The following PCDHGA11 variants were observed in gnomAD, a reference collection of about 807,000 sequenced individuals.
PCDHGA11 encodes protocadherin gamma subfamily A, 11.
A neutral mutation model predicts 60.4 loss-of-function variants in PCDHGA11; 39 were observed. That is an observed-to-expected ratio of 0.65 (90% CI 0.50 to 0.84). The LOEUF (loss-of-function observed/expected upper bound fraction) is 0.84, where lower values mean the gene tolerates loss of function less well. Among genes scored for constraint, PCDHGA11 ranks in the 40% least tolerant of loss-of-function variants. PCDHGA11 has a pLI of 0.00. For missense variants in PCDHGA11, 1,165 were observed against 1,197.7 expected (o/e 0.97, Z 0.40); for synonymous variants, 533 against 510.3 (o/e 1.04, Z -0.60).
At position 141,490,597 on chromosome 5, in the gene PCDHGA11, C is replaced by G. The variant is rs781077720; in HGVS notation, c.2434-4210C>G. 1 of 1,614,182 alleles carries G rather than the reference C, an allele frequency of 6.2e-7. No homozygotes were observed. On this transcript the variant is annotated intron_variant, in intron 1 of 3. Transcript: ENST00000398587. This position sits in a 1 kb window ranked among gnomAD's most constrained non-coding sequence, Gnocchi z 5.4. ...TTCAGATGTCAATGACAATGCACCC[C>G]GCTTCAACCAGCAGCTTTACACTGC...
At chr5:141,481,739 G>A (rs1034725934) in intron 1 of PCDHGA11, among the ~76,000 whole-genome samples, 1 of 152,082 alleles carries the variant, frequency 6.6e-6, no homozygotes, top group Non-Finnish European at 1.5e-5. Flanking sequence ...GGATCACGAG[G>A]TCAGGAGTCC....
chr5:141,447,301 G>A (rs557269538), intron 1 of PCDHGA11, among the ~76,000 whole-genome samples: 39 of 152,060 alleles, frequency 2.6e-4, no homozygotes, highest in Non-Finnish European at 1.5e-4. Flanking sequence ...CACCACACCC[G>A]GCTAATTTTT....
intron 1 of PCDHGA11, among the ~76,000 whole-genome samples, chr5:141,444,885 T>C (rs547403761): frequency 6.6e-6 from 1 of 152,320 alleles, no homozygotes; most frequent in African/African-American, 2.4e-5. Flanking sequence ...TGTAGGATTT[T>C]TGAATGGGAT....
chr5:141,476,798 C>T lies in PCDHGA11; in HGVS notation c.2434-18009C>T. 3.1e-6 allele frequency: 5 copies of T among 1,613,660 alleles called. No homozygotes were observed. The highest frequency in any genetic ancestry group is 4.2e-6 in the Non-Finnish European group (5 of 1,180,028). ...AGGGACCCCAGCTCTCTCCGCCAGC[C>T]TGCCTATTCACATCAAGGTGCTGGA... On this transcript the variant is annotated intron_variant, in intron 1 of 3. Coordinates refer to ENST00000398587, the MANE Select transcript of PCDHGA11 (RefSeq NM_018914.3). This position sits in a 1 kb window ranked among gnomAD's most constrained non-coding sequence, Gnocchi z 7.6.
chr5:141,427,717 A>G (rs1038823851), intron 1 of PCDHGA11: 20 of 1,076,234 alleles, frequency 1.9e-5, no homozygotes, highest in African/African-American at 1.1e-4. Context: ...TCTGACCTGG[A>G]CCTAGGGCTG....
intron 3 of PCDHGA11, among the ~76,000 whole-genome samples, chr5:141,510,089 C>G (rs2099879446): frequency 6.6e-6 from 1 of 152,136 alleles, no homozygotes; most frequent in African/African-American, 2.4e-5. Flanking sequence ...GCCTGGCACA[C>G]AGTAGGTGCT....
Position 141,477,413 on chromosome 5 carries a change from G to A in PCDHGA11, c.2434-17394G>A. ...CCTCAGCATCACCGCCCGAGACGCC[G>A]GAACCCCTTCCCTCTCAGCCCTTAC... On this transcript the variant is annotated intron_variant, in intron 1 of 3. Transcript: ENST00000398587. This position sits in a 1 kb window ranked among gnomAD's most constrained non-coding sequence, Gnocchi z 4.9. 1 of 1,614,080 alleles carries A rather than the reference G, an allele frequency of 6.2e-7. No individual in the cohort carries two copies. Among genetic ancestry groups the A allele is most frequent in the Non-Finnish European group, 8.5e-7 (1 of 1,180,026 alleles).
At position 141,485,680 on chromosome 5, in the gene PCDHGA11, C is replaced by A. The variant is rs1450674419; in HGVS notation, c.2434-9127C>A. The A allele has an allele frequency of 6.2e-7, 1 of 1,613,966 alleles. No individual in the cohort carries two copies. On this transcript the variant is annotated intron_variant, in intron 1 of 3. Transcript: ENST00000398587. The surrounding 1 kb of genome is among the most constrained non-coding windows in gnomAD (Gnocchi z 5.7). ...ATGTGGGGAGCAATTCGATTAGCAGCTATAGGCTGAGCTCCAATGAACACT... is the reference window on the plus strand; with the variant it reads ...ATGTGGGGAGCAATTCGATTAGCAGATATAGGCTGAGCTCCAATGAACACT...
chr5:141,479,631 A>G (rs191955216), intron 1 of PCDHGA11: 1 of 152,282 alleles, frequency 6.6e-6, no homozygotes, highest in Non-Finnish European at 1.5e-5. Context: ...TCTCTTTAAC[A>G]ATAACAACAA....
At chr5:141,503,598 C>CAAA (rs765754054) in intron 2 of PCDHGA11, among the ~76,000 whole-genome samples, 1 of 65,748 alleles carries the variant, frequency 1.5e-5, no homozygotes. Context: ...GACTCCAGCT[C>CAAA]AAAAAAAAAA....
chr5:141,425,490 G>T (rs2096878933), intron 1 of PCDHGA11, among the ~76,000 whole-genome samples: 1 of 152,122 alleles, frequency 6.6e-6, no homozygotes, highest in Non-Finnish European at 1.5e-5. Context: ...AACCTACTAG[G>T]CTATACCTTT....
chr5:141,463,135 C>G (rs1352400365), intron 1 of PCDHGA11, among the ~76,000 whole-genome samples: 1 of 152,128 alleles, frequency 6.6e-6, no homozygotes, highest in African/African-American at 2.4e-5. Flanking sequence ...GGCAGTTCTT[C>G]GCCCAGCTGC....
At position 141,434,489 on chromosome 5, in the gene PCDHGA11, C is replaced by G. The variant is rs921000136; in HGVS notation, c.2433+10829C>G. On this transcript the variant is annotated intron_variant, in intron 1 of 3. Coordinates refer to ENST00000398587, the MANE Select transcript of PCDHGA11 (RefSeq NM_018914.3). ...GAATGAGGGCAAGGAACACCTGGCC[C>G]GCCCAGGGCAGAAAACTGCTTAAAG... Among the ~76,000 whole-genome samples, 8 of 152,158 alleles carry G rather than the reference C, an allele frequency of 5.3e-5. 1 individual carries two copies. The highest frequency in any genetic ancestry group is 2.6e-4 in the Admixed American group (4 of 15,284).
At chr5:141,425,381 A>C (rs1374877185) in intron 1 of PCDHGA11, among the ~76,000 whole-genome samples, 3 of 152,194 alleles carry the variant, frequency 2.0e-5, no homozygotes, top group African/African-American at 7.2e-5. Flanking sequence ...GTTGATTCGG[A>C]GGTAGTGATA....
At position 141,423,482 on chromosome 5, in the gene PCDHGA11, A is replaced by T. The variant is rs553914622; in HGVS notation, c.2255A>T (p.Gln752Leu). The change falls in exon 1 of 4, where the codon CAA becomes CTA. Residue 752 changes from glutamine to leucine, a missense_variant. By Grantham distance (113) the Gln-to-Leu change is moderately radical. Transcript: ENST00000398587. ...GTGGACGGGGTACAGGCTTTCCTGC[A>T]AACCTATTCCCACGAGGTCTCTCTC... is the stretch of plus-strand genomic sequence containing the variant. ...VGVDGVQAFL[Q>L]TYSHEVSLIA... 1.1e-5 allele frequency: 17 copies of T among 1,613,968 alleles called. No homozygotes were observed. The African/African-American group carries it at 2.3e-4, about 22-fold the overall frequency.
At chr5:141,423,701 G>A in intron 1 of PCDHGA11, 41 bp downstream of exon 1, 1 of 1,312,668 alleles carries the variant, frequency 7.6e-7, no homozygotes, top group Non-Finnish European at 9.9e-7. Flanking sequence ...TGGTGTCTTG[G>A]CACAAGTCTT....
intron 1 of PCDHGA11, chr5:141,478,583 C>G: frequency 6.3e-7 from 1 of 1,578,146 alleles, no homozygotes; most frequent in Non-Finnish European, 8.6e-7. Context: ...CCTGTTAGTG[C>G]TTTTTTATTC....
chr5:141,511,265 A>C lies in PCDHGA11; in HGVS notation c.*92A>C. The C allele has an allele frequency of 6.4e-7, 1 of 1,551,730 alleles. No individual in the cohort carries two copies. Among genetic ancestry groups the C allele is most frequent in the Non-Finnish European group, 8.7e-7 (1 of 1,148,178 alleles). ...ACCCAGGCCTCAGAGTTTCAGGGCT[A>C]ACCCCCAGAATACTGGTAGGGGCCA... On this transcript the variant is annotated 3_prime_UTR_variant, in exon 4 of 4. Coordinates refer to ENST00000398587, the MANE Select transcript of PCDHGA11 (RefSeq NM_018914.3).
intron 1 of PCDHGA11, chr5:141,427,068 G>A (rs1407368715): frequency 2.2e-6 from 1 of 457,950 alleles, no homozygotes; most frequent in East Asian, 6.9e-5. Flanking sequence ...TGTACTAAAG[G>A]TGACAGCCAC....
Sources: gnomAD v4.1 joint callset for allele counts (sites outside exome capture counted in the v4.1 genomes callset) on GRCh38, gnomAD v4.1.1 for gene constraint, Gnocchi (gnomAD v3.1) non-coding constraint, MANE v1.5 for transcripts, NCBI Gene and HGNC (gene_info 2026-07-23, HGNC 2026-07-21) for gene names.